The following SUPT5H variants were observed in gnomAD, a reference collection of about 807,000 sequenced individuals.
The protein encoded by SUPT5H is transcription elongation factor SPT5.
Under a neutral mutation model 142.5 loss-of-function variants are expected in SUPT5H, and 24 were observed. That is an observed-to-expected ratio of 0.17 (90% confidence interval 0.12 to 0.24). SUPT5H has a LOEUF of 0.24. Among genes scored for constraint, SUPT5H ranks in the 10% least tolerant of loss-of-function variants. The probability of loss-of-function intolerance (pLI) is 1.00; values close to 1 mark genes in which losing one functional copy is unlikely to be tolerated. For synonymous variants in SUPT5H, 546 were observed against 553.0 expected (o/e 0.99, Z 0.18); for missense variants, 893 against 1,471.8 (o/e 0.61, Z 6.43).
Position 39,469,103 on chromosome 19 carries a change from C to G in SUPT5H, c.1168C>G (p.Leu390Val). The G allele has an allele frequency of 6.2e-7, 1 of 1,614,220 alleles. No homozygotes were observed. The highest frequency in any genetic ancestry group is 8.5e-7 in the Non-Finnish European group (1 of 1,180,034). ...GATCACGGAGGGTGTGAAGCCAACA[C>G]TCTCTGAGCTGGAAAAGTTTGAGGA... The part of the protein sequence containing the change: ...AVITEGVKPT[L>V]SELEKFEDQP... The change falls in exon 15 of 30, where the codon CTC (leucine) becomes GTC (valine). Residue 390 changes from leucine (L) to valine (V), a missense_variant. Leu to Val is a conservative substitution (Grantham distance 32). Transcript: ENST00000432763. The surrounding 1 kb of genome is among the most constrained non-coding windows in gnomAD (Gnocchi z 5.1).
At chr19:39,455,244 A>G (rs527596371) in intron 3 of SUPT5H, among the ~76,000 whole-genome samples, 3 of 152,210 alleles carry the variant, frequency 2.0e-5, no homozygotes, top group Admixed American at 6.6e-5. Flanking sequence ...GAGAAAAAGA[A>G]AGGTACAGAA....
chr19:39,459,789 C>G (rs557517309), intron 9 of SUPT5H, 103 bp from the exon 10 acceptor site: 2 of 1,387,098 alleles, frequency 1.4e-6, no homozygotes, highest in South Asian at 1.2e-5. Context: ...TCTCTCTCCT[C>G]TCTTGGTCCT....
intron 2 of SUPT5H, 32 bp downstream of exon 2, chr19:39,445,997 C>A (rs894460866): frequency 5.0e-6 from 8 of 1,601,002 alleles, no homozygotes; most frequent in East Asian, 2.2e-5. Context: ...GGAGACATTG[C>A]GTCTGGGGAC....
At position 39,470,897 on chromosome 19, in the gene SUPT5H, A is replaced by G. The variant is rs1404009141; in HGVS notation, c.1677+374A>G. Among the ~76,000 whole-genome samples, 1 of 152,098 alleles carries G rather than the reference A, an allele frequency of 6.6e-6. No homozygotes were observed. Among genetic ancestry groups the G allele is most frequent in the African/African-American group, 2.4e-5 (1 of 41,408 alleles). ...CACAGTACTTAGGATCCTGGACTCC[A>G]CATCCACATCTTGGCTTTGTTGCTC... is the stretch of plus-strand genomic sequence containing the variant. On this transcript the variant is annotated intron_variant, in intron 18 of 29. Transcript: ENST00000432763. The surrounding 1 kb of genome is among the most constrained non-coding windows in gnomAD (Gnocchi z 5.8).
intron 2 of SUPT5H, among the ~76,000 whole-genome samples, chr19:39,446,678 A>G (rs2078958333): frequency 6.6e-6 from 1 of 152,204 alleles, no homozygotes; most frequent in Non-Finnish European, 1.5e-5. Flanking sequence ...CAATCTCGGT[A>G]ACACAACGGG....
Position 39,472,289 on chromosome 19 carries a change from G to A in SUPT5H, c.1951-120G>A. 1.1e-6 allele frequency: 1 copy of A among 904,806 alleles called. No individual in the cohort carries two copies. Among genetic ancestry groups the A allele is most frequent in the Non-Finnish European group, 1.8e-6 (1 of 557,784 alleles). 56.0% of individuals were successfully genotyped at this position (904,806 alleles called of 1,614,324 possible). On this transcript the variant is annotated intron_variant, in intron 20 of 29. Transcript: ENST00000432763. The surrounding 1 kb of genome is among the most constrained non-coding windows in gnomAD (Gnocchi z 4.2). ...GGACCAGCTGTCACAGAGGAATTCA[G>A]GCCTGGGGTGTGGGTGGCTGGGTGG...
At position 39,453,349 on chromosome 19, in the gene SUPT5H, C is replaced by A. The variant is rs765549678; in HGVS notation, c.76-7C>A. 17 of 1,598,640 alleles carry A rather than the reference C, an allele frequency of 1.1e-5. No homozygotes were observed. The highest frequency in any genetic ancestry group is 1.4e-5 in the Non-Finnish European group (16 of 1,171,944). The stretch of plus-strand genomic sequence containing the variant: ...TCTGGTGCTACAACCCTGCCTGACC[C>A]CTGTAGGTAGACGAAGAGCGGCGGA... On this transcript the variant is annotated splice_polypyrimidine_tract_variant and splice_region_variant and intron_variant, in intron 2 of 29. Coordinates refer to ENST00000432763, the MANE Select transcript of SUPT5H (RefSeq NM_001111020.3).
Position 39,474,011 on chromosome 19 carries a change from C to T in SUPT5H, c.2541C>T (p.Ser847=), listed in dbSNP as rs373271291. The part of the protein sequence containing the change: ...EYAFDDEPTP[S]PQAYGGTPNP... ...CTTTCGATGATGAGCCCACCCCGTC[C>T]CCGCAGGCCTATGGGGGAACCCCCA... Residue 847 remains serine (S), a synonymous_variant, in exon 26 of 30, where the codon TCC becomes TCT. Transcript: ENST00000432763. This position sits in a 1 kb window ranked among gnomAD's most constrained non-coding sequence, Gnocchi z 6.5. 12 of 1,613,836 alleles carry T rather than the reference C, an allele frequency of 7.4e-6. No individual in the cohort carries two copies. Among genetic ancestry groups the T allele is most frequent in the Admixed American group, 1.7e-5 (1 of 59,982 alleles).
chr19:39,455,097 G>A (rs1306961675), intron 3 of SUPT5H, among the ~76,000 whole-genome samples: 1 of 152,214 alleles, frequency 6.6e-6, no homozygotes, highest in African/African-American at 2.4e-5. Context: ...GATGCTTGTT[G>A]TAGTCCTGTT....
At position 39,472,910 on chromosome 19, in the gene SUPT5H, C is replaced by A; in HGVS notation, c.2136C>A (p.Ile712=). Residue 712 remains isoleucine (I), a synonymous_variant, in exon 22 of 30, where the codon ATC becomes ATA. Transcript: ENST00000432763. This position sits in a 1 kb window ranked among gnomAD's most constrained non-coding sequence, Gnocchi z 4.2. ...DNELIGQTVR[I]SQGPYKGYIG... ...AACTCATCGGCCAGACCGTGCGCATCTCCCAGGGGCCCTACAAAGGTGACC... is the reference window on the plus strand; with the variant it reads ...AACTCATCGGCCAGACCGTGCGCATATCCCAGGGGCCCTACAAAGGTGACC... The A allele has an allele frequency of 1.2e-6, 2 of 1,613,508 alleles. No individual in the cohort carries two copies. The highest frequency in any genetic ancestry group is 1.1e-5 in the South Asian group (1 of 91,020).
In SUPT5H at chr19:39,458,463, G is replaced by A; in HGVS notation, c.319+158G>A. The A allele has an allele frequency of 1.5e-6, 2 of 1,338,154 alleles. No individual in the cohort carries two copies. Among genetic ancestry groups the A allele is most frequent in the South Asian group, 1.4e-5 (1 of 72,726 alleles). 82.9% of individuals were successfully genotyped at this position (1,338,154 alleles called of 1,614,324 possible). Reference sequence around the variant, plus strand: ...GGATCCAGAGTCAGGGAGTTCTGGGGCCAGGTATACCCCAGTTGTTGACCT... The same window carrying A: ...GGATCCAGAGTCAGGGAGTTCTGGGACCAGGTATACCCCAGTTGTTGACCT... On this transcript the variant is annotated intron_variant, in intron 5 of 29. Transcript: ENST00000432763. The surrounding 1 kb of genome is among the most constrained non-coding windows in gnomAD (Gnocchi z 4.2).
At chr19:39,456,904 CTAGTCACGG>C (rs1401650065) in intron 3 of SUPT5H, among the ~76,000 whole-genome samples, 2 of 152,198 alleles carry the variant, frequency 1.3e-5, no homozygotes, top group African/African-American at 4.8e-5. Flanking sequence ...AGGCAAGAAA[CTAGTCACGG>C]AGTTGCCTTT....
chr19:39,459,338 T>G (rs1390513025), intron 8 of SUPT5H, 89 bp downstream of exon 8: 4 of 1,490,288 alleles, frequency 2.7e-6, no homozygotes, highest in Non-Finnish European at 3.7e-6. Flanking sequence ...CTGAAATAAG[T>G]CAGGGCAGAG....
In SUPT5H at chr19:39,468,900, TGA is replaced by T. The variant is rs1168586153; in HGVS notation, c.1143+41_1143+42del. The T allele has an allele frequency of 3.8e-6, 6 of 1,597,104 alleles. 1 individual carries two copies. The Admixed American group carries it at 1.0e-4, about 27-fold the overall frequency. On this transcript the variant is annotated intron_variant, in intron 14 of 29. Coordinates refer to ENST00000432763, the MANE Select transcript of SUPT5H (RefSeq NM_001111020.3). ...AGGGGTGTTGGTAATGGGGGTGGTG[TGA>T]GTGTTCTCCTGCAGGTGATGCCCTG...
chr19:39,466,882 G>A lies in SUPT5H; in HGVS notation c.1037+137G>A. The A allele has an allele frequency of 1.3e-6, 1 of 774,786 alleles. No individual in the cohort carries two copies. Among genetic ancestry groups the A allele is most frequent in the South Asian group, 1.5e-5 (1 of 65,458 alleles). The allele number at this position is 774,786 out of a possible 1,614,324, so 48.0% of individuals were successfully genotyped here. ...TGGTTAGCTTGGCAGTATAGCCTCA[G>A]GCAAGTCACTTCACATCCCTGTGCC... On this transcript the variant is annotated intron_variant, in intron 13 of 29. Transcript: ENST00000432763. The surrounding 1 kb of genome is among the most constrained non-coding windows in gnomAD (Gnocchi z 4.3).
chr19:39,458,499 G>A lies in SUPT5H; in HGVS notation c.319+194G>A, dbSNP rs947055712. On this transcript the variant is annotated intron_variant, in intron 5 of 29. Coordinates refer to ENST00000432763, the MANE Select transcript of SUPT5H (RefSeq NM_001111020.3). The surrounding 1 kb of genome is among the most constrained non-coding windows in gnomAD (Gnocchi z 4.2). The stretch of plus-strand genomic sequence containing the variant: ...CCCAGTTGTTGACCTGGGAAAGCAC[G>A]GATGTGTCTGTCTGGGACTGAGCAT... The A allele has an allele frequency of 2.7e-5, 28 of 1,043,898 alleles. No individual in the cohort carries two copies. Among genetic ancestry groups the A allele is most frequent in the East Asian group, 4.8e-5 (2 of 41,736 alleles). The allele number at this position is 1,043,898 out of a possible 1,614,324, so 64.7% of individuals were successfully genotyped here.
intron 3 of SUPT5H, 149 bp from the exon 4 acceptor site, chr19:39,457,526 C>T (rs2079105731): frequency 7.1e-7 from 1 of 1,401,266 alleles, no homozygotes; most frequent in Non-Finnish European, 9.6e-7. Context: ...GTGGCACGGC[C>T]CCAGACGAGT....
chr19:39,476,128 C>T lies in SUPT5H; in HGVS notation c.3072C>T (p.Ser1024=). 6.2e-7 allele frequency: 1 copy of T among 1,614,124 alleles called. No homozygotes were observed. Among genetic ancestry groups the T allele is most frequent in the Non-Finnish European group, 8.5e-7 (1 of 1,180,002 alleles). The change falls in exon 29 of 30, where the codon AGC becomes AGT. Residue 1024 remains serine, a synonymous_variant. Transcript: ENST00000432763. ...TGAAGGACAGTGAGAAGGTTGTCAG[C>T]ATTTCCAGTGAGCACCTGGAGCCTA... ...VYLKDSEKVV[S]ISSEHLEPIT...
Position 39,471,377 on chromosome 19 carries a change from G to A in SUPT5H, c.1698G>A (p.Lys566=), listed in dbSNP as rs760824889. 1 of 1,614,222 alleles carries A rather than the reference G, an allele frequency of 6.2e-7. No individual in the cohort carries two copies. Among genetic ancestry groups the A allele is most frequent in the South Asian group, 1.1e-5 (1 of 91,088 alleles). Residue 566 remains lysine (K), a synonymous_variant, in exon 19 of 30, where the codon AAG becomes AAA. Coordinates refer to ENST00000432763, the MANE Select transcript of SUPT5H (RefSeq NM_001111020.3). ...TGTAGGTGCTGAACATGTACGGGAA[G>A]GTGGTGACTGTCAGACATCAGGCTG... ...ETFQVLNMYG[K]VVTVRHQAVT...
Sources: gnomAD v4.1 joint callset for allele counts (sites outside exome capture counted in the v4.1 genomes callset) on GRCh38, gnomAD v4.1.1 for gene constraint, Gnocchi (gnomAD v3.1) non-coding constraint, MANE v1.5 for transcripts, NCBI Gene and HGNC (gene_info 2026-07-23, HGNC 2026-07-21) for gene names.